Variants in TMEM74 observed in about 807,000 individuals in gnomAD.
TMEM74 encodes transmembrane protein 74.
In TMEM74, 13 loss-of-function variants were observed where a neutral mutation model predicts 18.1. That is an observed-to-expected ratio of 0.72 (90% CI 0.47 to 1.14). The LOEUF (loss-of-function observed/expected upper bound fraction) is 1.14, where lower values mean the gene tolerates loss of function less well. Ranked by LOEUF, TMEM74 falls within the 50% of genes most tolerant of loss-of-function variation. The probability of loss-of-function intolerance (pLI) is 0.00; values close to 1 mark genes in which losing one functional copy is unlikely to be tolerated. For synonymous variants in TMEM74, 159 were observed against 146.6 expected (o/e 1.08, Z -0.61); for missense variants, 372 against 375.9 (o/e 0.99, Z 0.09).
chr8:108,652,962 A>C (rs116493858), intron 2 of TMEM74: 87 of 274,718 alleles, frequency 3.2e-4, no homozygotes, highest in African/African-American at 1.8e-3. Context: ...ATAAAAGAAG[A>C]CTTCTTTTAG....
chr8:108,779,440 C>A lies in TMEM74; in HGVS notation c.*4741G>T, dbSNP rs1307100957. Reference sequence around the variant, plus strand: ...CAAATTTGAAACAAAGGAATATACTCCCCATAGTCCCCTGAAATAAAATAA... The same window carrying A: ...CAAATTTGAAACAAAGGAATATACTACCCATAGTCCCCTGAAATAAAATAA... On this transcript the variant is annotated 3_prime_UTR_variant, in exon 2 of 2. Transcript: ENST00000297459. Among the ~76,000 whole-genome samples the A allele has an allele frequency of 6.6e-6, 1 of 152,100 alleles. No homozygotes were observed. The highest frequency in any genetic ancestry group is 1.5e-5 in the Non-Finnish European group (1 of 68,010).
At chr8:108,626,486 G>A (rs957398973) in intron 2 of TMEM74, 5 of 151,972 alleles carry the variant, frequency 3.3e-5, no homozygotes, top group Non-Finnish European at 7.4e-5. Context: ...AGCCGTTTAC[G>A]CTGTGTAAGA....
At chr8:108,747,536 TCTC>T (rs912036969) in intron 1 of TMEM74, among the ~76,000 whole-genome samples, 7 of 140,706 alleles carry the variant, frequency 5.0e-5, no homozygotes, top group African/African-American at 1.8e-4. Flanking sequence ...GAAGCACACT[TCTC>T]TCTCTCTCTC....
intron 2 of TMEM74, among the ~76,000 whole-genome samples, chr8:108,627,719 C>T (rs1328368155): frequency 6.6e-6 from 1 of 151,894 alleles, no homozygotes; most frequent in Admixed American, 6.6e-5. Flanking sequence ...TTCACTGAGA[C>T]CCATAGTGAG....
chr8:108,616,943 T>TATATATATATATATATATA (rs1439376957), intron 2 of TMEM74, among the ~76,000 whole-genome samples: 1 of 151,538 alleles, frequency 6.6e-6, no homozygotes, highest in African/African-American at 2.4e-5. Flanking sequence ...AGTGACTATA[T>TATATATATATATATATATA]TATATATACT....
At chr8:108,621,993 T>G (rs911056028) in intron 2 of TMEM74, among the ~76,000 whole-genome samples, 1 of 152,176 alleles carries the variant, frequency 6.6e-6, no homozygotes, top group African/African-American at 2.4e-5. Flanking sequence ...GCGAATTTTT[T>G]TCACTAGAAT....
intron 1 of TMEM74, among the ~76,000 whole-genome samples, chr8:108,763,587 C>A (rs968316538): frequency 3.9e-5 from 6 of 151,982 alleles, no homozygotes; most frequent in African/African-American, 1.4e-4. Context: ...TTAATTTATA[C>A]CTTGGGTAAG....
At chr8:108,767,231 A>G (rs1229641766) in intron 1 of TMEM74, among the ~76,000 whole-genome samples, 5 of 152,210 alleles carry the variant, frequency 3.3e-5, no homozygotes, top group African/African-American at 1.2e-4. Context: ...TCATCAGAGA[A>G]TTCAACAACA....
chr8:108,699,183 TCCTCCCTC>T (rs1171916387), intron 1 of TMEM74, among the ~76,000 whole-genome samples: 6 of 70,472 alleles, frequency 8.5e-5, no homozygotes, highest in South Asian at 6.6e-4. Context: ...CTTCCTTCCT[TCCTCCCTC>T]CCTCCCTCCC....
chr8:108,682,234 C>T (rs1027765697), intron 1 of TMEM74, among the ~76,000 whole-genome samples: 4 of 151,968 alleles, frequency 2.6e-5, no homozygotes, highest in African/African-American at 9.7e-5. Context: ...TTTGAGCAAT[C>T]CCGGATCATT....
intron 1 of TMEM74, among the ~76,000 whole-genome samples, chr8:108,731,928 A>G (rs536000520): frequency 1.3e-5 from 2 of 152,078 alleles, no homozygotes; most frequent in South Asian, 2.1e-4. Context: ...AAAAAAGCCC[A>G]CCATTTTTTC....
chr8:108,642,140 T>C (rs1004495893), intron 2 of TMEM74, among the ~76,000 whole-genome samples: 5 of 152,140 alleles, frequency 3.3e-5, no homozygotes, highest in African/African-American at 9.7e-5. Flanking sequence ...GGCTCATGCC[T>C]GTAATTCTAG....
At chr8:108,681,933 G>T (rs190195931) in intron 1 of TMEM74, among the ~76,000 whole-genome samples, 48 of 152,194 alleles carry the variant, frequency 3.2e-4, no homozygotes, top group Non-Finnish European at 5.1e-4. Flanking sequence ...TCTAGTCCAA[G>T]CCACCATTAC....
chr8:108,631,789 T>C (rs1359623577), intron 2 of TMEM74, among the ~76,000 whole-genome samples: 1 of 152,040 alleles, frequency 6.6e-6, no homozygotes, highest in Non-Finnish European at 1.5e-5. Context: ...CCTCTATTTT[T>C]GTAAATCAAT....
intron 2 of TMEM74, among the ~76,000 whole-genome samples, chr8:108,612,152 G>T (rs553817808): frequency 1.3e-5 from 2 of 152,112 alleles, no homozygotes; most frequent in South Asian, 4.1e-4. Context: ...TACAATTCAA[G>T]ATGAGATTTA....
chr8:108,620,984 C>T (rs543296339), intron 2 of TMEM74, among the ~76,000 whole-genome samples: 1 of 152,298 alleles, frequency 6.6e-6, no homozygotes, highest in Admixed American at 6.5e-5. Flanking sequence ...CTGCTGCTCC[C>T]ATGATGCCTG....
At chr8:108,661,503 T>G (rs1330492100) in intron 1 of TMEM74, among the ~76,000 whole-genome samples, 1 of 148,870 alleles carries the variant, frequency 6.7e-6, no homozygotes, top group Non-Finnish European at 1.5e-5. Flanking sequence ...TCAAAGAAAA[T>G]GGAAATTGGC....
rs1252912714 is a variant in TMEM74 at position 108,756,528 on chromosome 8, C to G, written n.119+30948G>C. 3.6e-5 allele frequency among the ~76,000 whole-genome samples: 4 copies of G among 110,570 alleles called. No individual in the cohort carries two copies. The East Asian group carries it at 8.0e-4, about 22-fold the overall frequency. 72.5% of individuals were successfully genotyped at this position (110,570 alleles called of 152,430 possible). A position where few individuals can be genotyped will look rare whatever the true frequency, so the allele number is the denominator to read the frequency against. On this transcript the variant is annotated intron_variant and non_coding_transcript_variant, in intron 1 of 3. Transcript: ENST00000518838. ...ATGCATATCCGCAAATTTAGAGGAA[C>G]AGAGCAAACCACTGTAAAGAAAAGA... is the stretch of plus-strand genomic sequence containing the variant.
chr8:108,739,789 C>T (rs555047952), intron 1 of TMEM74, among the ~76,000 whole-genome samples: 115 of 152,226 alleles, frequency 7.6e-4, no homozygotes, highest in African/African-American at 2.6e-3. Context: ...GAGCCTCTCT[C>T]TTCAGGTAGC....
Sources: allele counts gnomAD v4.1 joint callset (sites outside exome capture counted in the v4.1 genomes callset), GRCh38; gene constraint gnomAD v4.1.1; transcripts MANE v1.5; gene names NCBI Gene and HGNC (gene_info 2026-07-23, HGNC 2026-07-21).